The following CTNNA3 variants were observed in gnomAD, a reference collection of about 807,000 sequenced individuals.
The protein encoded by CTNNA3 is catenin alpha-3.
In CTNNA3, 76 loss-of-function variants were observed where a neutral mutation model predicts 95.7. That is an observed-to-expected ratio of 0.79 (90% CI 0.66 to 0.96). The LOEUF (loss-of-function observed/expected upper bound fraction) is 0.96, where lower values mean the gene tolerates loss of function less well. CTNNA3 is among the 40% of genes least tolerant of loss of function. CTNNA3 has a pLI of 0.00. For synonymous variants in CTNNA3, 431 were observed against 374.4 expected (o/e 1.15, Z -1.74); for missense variants, 1,191 against 1,089.8 (o/e 1.09, Z -1.31).
At chr10:67,464,431 G>A (rs115639114) in intron 5 of CTNNA3, among the ~76,000 whole-genome samples, 1,819 of 152,016 alleles carry the variant, frequency 0.012, 43 homozygotes, top group African/African-American at 0.041. Context: ...TCACTCCTGC[G>A]GCCCTTATCA....
chr10:67,499,566 CT>C (rs1376223476), intron 5 of CTNNA3, among the ~76,000 whole-genome samples: 1 of 152,030 alleles, frequency 6.6e-6, no homozygotes, highest in Non-Finnish European at 1.5e-5. Flanking sequence ...TGGTCCTGGG[CT>C]TTTTTTGGTT....
intron 7 of CTNNA3, among the ~76,000 whole-genome samples, chr10:66,813,637 TC>T (rs1183751308): frequency 6.6e-6 from 1 of 152,170 alleles, no homozygotes; most frequent in African/African-American, 2.4e-5. Flanking sequence ...TCTATTGTAT[TC>T]CAAATACTGT....
At chr10:67,334,603 C>G (rs900979234) in intron 5 of CTNNA3, 3 of 152,392 alleles carry the variant, frequency 2.0e-5, no homozygotes, top group African/African-American at 7.2e-5. Context: ...AGGGCTCGCC[C>G]TGTATCCTAA....
At chr10:67,394,588 C>A (rs1249717521) in intron 5 of CTNNA3, among the ~76,000 whole-genome samples, 1 of 152,020 alleles carries the variant, frequency 6.6e-6, no homozygotes, top group Non-Finnish European at 1.5e-5. Context: ...TATGACCCAG[C>A]CAGATATTGC....
intron 5 of CTNNA3, among the ~76,000 whole-genome samples, chr10:67,357,067 A>G (rs1226325229): frequency 1.3e-5 from 2 of 152,078 alleles, no homozygotes; most frequent in Non-Finnish European, 2.9e-5. Flanking sequence ...CCTCACTATA[A>G]TAGATGAAAC....
intron 5 of CTNNA3, among the ~76,000 whole-genome samples, chr10:67,305,287 C>T (rs1171237143): frequency 4.0e-5 from 6 of 150,764 alleles, no homozygotes; most frequent in Admixed American, 1.3e-4. Flanking sequence ...GTGGGTGCAG[C>T]GCACCAGCAT....
intron 12 of CTNNA3, among the ~76,000 whole-genome samples, chr10:66,286,542 G>C (rs1366115573): frequency 6.6e-6 from 1 of 152,006 alleles, no homozygotes; most frequent in East Asian, 1.9e-4. Flanking sequence ...AAGGTAAAAG[G>C]GCTCCAAGGT....
chr10:67,558,843 C>G (rs1841359281), intron 3 of CTNNA3, among the ~76,000 whole-genome samples: 1 of 152,234 alleles, frequency 6.6e-6, no homozygotes, highest in Non-Finnish European at 1.5e-5. Context: ...ATATCCCGCA[C>G]ATGGCTCGGA....
intron 13 of CTNNA3, among the ~76,000 whole-genome samples, chr10:66,149,444 C>G (rs976020604): frequency 1.3e-5 from 2 of 151,068 alleles, no homozygotes; most frequent in Non-Finnish European, 3.0e-5. Context: ...ATTAAGCCAG[C>G]CATAACTATT....
At chr10:66,063,319 T>TAA (rs34175611) in intron 15 of CTNNA3, among the ~76,000 whole-genome samples, 8 of 134,662 alleles carry the variant, frequency 5.9e-5, no homozygotes, top group African/African-American at 1.9e-4. Context: ...TATATATATA[T>TAA]AATATATATA....
chr10:66,110,440 T>C, intron 13 of CTNNA3, among the ~76,000 whole-genome samples: 1 of 151,610 alleles, frequency 6.6e-6, no homozygotes, highest in African/African-American at 2.4e-5. Flanking sequence ...AGCTAAGAGA[T>C]GGAAGCAACC....
At chr10:66,428,388 C>G (rs1342416774) in intron 11 of CTNNA3, among the ~76,000 whole-genome samples, 1 of 152,172 alleles carries the variant, frequency 6.6e-6, no homozygotes, top group African/African-American at 2.4e-5. Flanking sequence ...GAACTCAGCT[C>G]TGCACCAAGC....
intron 15 of CTNNA3, among the ~76,000 whole-genome samples, chr10:66,067,476 T>TA: frequency 6.6e-6 from 1 of 152,330 alleles, no homozygotes. Context: ...AGCATAAAAA[T>TA]AAACAATTTA....
At chr10:66,996,503 C>A (rs2132958866) in intron 7 of CTNNA3, among the ~76,000 whole-genome samples, 1 of 151,972 alleles carries the variant, frequency 6.6e-6, no homozygotes, top group East Asian at 1.9e-4. Flanking sequence ...AAGAAACTAG[C>A]CGGGCGTGGT....
At chr10:66,959,048 C>T (rs1344557306) in intron 7 of CTNNA3, among the ~76,000 whole-genome samples, 3 of 152,086 alleles carry the variant, frequency 2.0e-5, no homozygotes, top group African/African-American at 7.2e-5. Flanking sequence ...CCCCATTGCA[C>T]AGGTCCTGCC....
chr10:66,982,886 G>A (rs1447376307), intron 7 of CTNNA3, among the ~76,000 whole-genome samples: 1 of 152,136 alleles, frequency 6.6e-6, no homozygotes, highest in African/African-American at 2.4e-5. Flanking sequence ...GGAAGAAGGG[G>A]AGAAGCATAA....
At chr10:66,996,717 G>A (rs576181544) in intron 7 of CTNNA3, among the ~76,000 whole-genome samples, 6 of 144,896 alleles carry the variant, frequency 4.1e-5, no homozygotes, top group Non-Finnish European at 6.0e-5. Context: ...GTTAATTAGC[G>A]CCTATGCAGT....
intron 5 of CTNNA3, among the ~76,000 whole-genome samples, chr10:67,423,375 T>C (rs1008632775): frequency 6.6e-6 from 1 of 152,082 alleles, no homozygotes; most frequent in African/African-American, 2.4e-5. Flanking sequence ...TTTAGAGATA[T>C]TGACATAGAA....
intron 4 of CTNNA3, among the ~76,000 whole-genome samples, chr10:67,525,414 C>G (rs1377002592): frequency 6.6e-6 from 1 of 152,140 alleles, no homozygotes; most frequent in Non-Finnish European, 1.5e-5. Flanking sequence ...GCTCATCTCA[C>G]ATTAAAATAG....
Sources: gnomAD v4.1 joint callset for allele counts (sites outside exome capture counted in the v4.1 genomes callset) on GRCh38, gnomAD v4.1.1 for gene constraint, MANE v1.5 for transcripts, NCBI Gene and HGNC (gene_info 2026-07-23, HGNC 2026-07-21) for gene names.